The following FAM114A2 variants were observed in gnomAD, a reference collection of about 807,000 sequenced individuals.
FAM114A2 encodes the protein family with sequence similarity 114 member A2, also known as protein FAM114A2.
Under a neutral mutation model 58.4 loss-of-function variants are expected in FAM114A2, and 53 were observed. The ratio of observed to expected loss-of-function variants is 0.91; its 90% CI spans 0.73 to 1.14. The LOEUF is 1.14. FAM114A2 is among the 50% of genes most tolerant of loss of function. The probability of loss-of-function intolerance (pLI) is 0.00; values close to 1 mark genes in which losing one functional copy is unlikely to be tolerated. For synonymous variants in FAM114A2, 228 were observed against 211.4 expected, an observed-to-expected ratio of 1.08 and a Z score of -0.68; for missense variants, 601 against 581.1, an observed-to-expected ratio of 1.03 and a Z score of -0.35.
intron 2 of FAM114A2, 80 bp downstream of exon 2, chr5:154,034,664 T>C (rs1772425097): frequency 2.0e-6 from 2 of 1,018,964 alleles, no homozygotes; most frequent in African/African-American, 1.6e-5. Flanking sequence ...TTGGTATTTA[T>C]GCCAAATTTC....
At chr5:154,031,798 C>A (rs1236898682) in intron 4 of FAM114A2, among the ~76,000 whole-genome samples, 1 of 152,200 alleles carries the variant, frequency 6.6e-6, no homozygotes, top group African/African-American at 2.4e-5. Flanking sequence ...ATAAGACTTT[C>A]TCTTGTAAGA....
chr5:154,037,067 T>C (rs922321869), intron 1 of FAM114A2: 1 of 152,008 alleles, frequency 6.6e-6, no homozygotes, highest in African/African-American at 2.4e-5. Flanking sequence ...GGCATCTGAG[T>C]TGGCAACACC....
At chr5:154,022,578 A>T (rs1166453551) in intron 8 of FAM114A2, among the ~76,000 whole-genome samples, 1 of 152,228 alleles carries the variant, frequency 6.6e-6, no homozygotes, top group Non-Finnish European at 1.5e-5. Context: ...AATCAAAACC[A>T]CAATGAGATA....
chr5:154,002,817 A>G (rs1386612614), intron 10 of FAM114A2, 30 bp downstream of exon 10: 4 of 1,613,214 alleles, frequency 2.5e-6, no homozygotes, highest in Admixed American at 3.3e-5. Flanking sequence ...CTACTAAAAC[A>G]AACAAAAAAG....
intron 2 of FAM114A2, among the ~76,000 whole-genome samples, 177 bp downstream of exon 2, chr5:154,034,567 A>G (rs1291983816): frequency 1.3e-5 from 2 of 152,238 alleles, no homozygotes; most frequent in African/African-American, 2.4e-5. Context: ...ACCACATAGC[A>G]AAAGCAATTA....
At chr5:153,994,996 A>T (rs755943887) in intron 12 of FAM114A2, 24 bp from the exon 13 acceptor site, 1 of 1,544,904 alleles carries the variant, frequency 6.5e-7, no homozygotes, top group South Asian at 1.1e-5. Context: ...TACATTTTTA[A>T]GTGAGCAGAG....
In FAM114A2 at chr5:154,002,199, C is replaced by T. The variant is rs117144658; in HGVS notation, c.1256+52G>A. On this transcript the variant is annotated intron_variant, in intron 11 of 13. Coordinates refer to ENST00000351797, the MANE Select transcript of FAM114A2 (RefSeq NM_018691.4). ...CGTTTATAAAACTTTGGAAACAGGC[C>T]AAGAAAACTCCTGCAATTTGCATCA... 1.1e-4 allele frequency: 172 copies of T among 1,571,756 alleles called. 2 individuals carry two copies. In the East Asian group the frequency reaches 3.8e-3, roughly 35 times the overall value.
intron 5 of FAM114A2, among the ~76,000 whole-genome samples, chr5:154,029,084 T>C (rs1162932557): frequency 6.6e-6 from 1 of 152,234 alleles, no homozygotes; most frequent in Admixed American, 6.5e-5. Flanking sequence ...TTACAAATGT[T>C]TTTAATCATA....
intron 8 of FAM114A2, among the ~76,000 whole-genome samples, chr5:154,024,336 T>G (rs1012851580): frequency 1.6e-4 from 25 of 152,122 alleles, no homozygotes; most frequent in African/African-American, 6.0e-4. Context: ...AACAAAGTGT[T>G]TATTAATTCA....
At chr5:154,014,886 G>A (rs1021995156) in intron 8 of FAM114A2, among the ~76,000 whole-genome samples, 6 of 152,176 alleles carry the variant, frequency 3.9e-5, no homozygotes, top group Non-Finnish European at 7.3e-5. Context: ...TTTCACAGCT[G>A]GGAGGTGGGT....
intron 8 of FAM114A2, among the ~76,000 whole-genome samples, chr5:154,022,734 C>G (rs969350288): frequency 2.6e-5 from 4 of 152,194 alleles, no homozygotes; most frequent in African/African-American, 9.7e-5. Context: ...GTGGTGATTC[C>G]TCAAGGATCT....
At chr5:154,003,084 C>T (rs1382287409) in intron 9 of FAM114A2, 115 bp from the exon 10 acceptor site, 3 of 834,364 alleles carry the variant, frequency 3.6e-6, no homozygotes, top group South Asian at 1.6e-5. Flanking sequence ...CTTACCTGAA[C>T]GTACCATCTA....
intron 12 of FAM114A2, among the ~76,000 whole-genome samples, chr5:153,996,700 G>C (rs933437640): frequency 6.6e-6 from 1 of 152,038 alleles, no homozygotes; most frequent in African/African-American, 2.4e-5. Context: ...CACATTAAAA[G>C]ATGTTCAACA....
At chr5:154,015,405 G>T (rs575329685) in intron 8 of FAM114A2, among the ~76,000 whole-genome samples, 17 of 152,138 alleles carry the variant, frequency 1.1e-4, no homozygotes, top group Middle Eastern at 3.4e-3. Context: ...AAACAGGTGC[G>T]GGTATCCACA....
At chr5:154,027,390 T>C in intron 6 of FAM114A2, 56 bp from the exon 7 acceptor site, 1 of 1,458,602 alleles carries the variant, frequency 6.9e-7, no homozygotes, top group Non-Finnish European at 9.3e-7. Context: ...CAAGGGTGAG[T>C]TCTGAGAATT....
intron 13 of FAM114A2, among the ~76,000 whole-genome samples, chr5:153,994,201 G>T (rs1248586229): frequency 6.6e-6 from 1 of 151,498 alleles, no homozygotes; most frequent in Non-Finnish European, 1.5e-5. Flanking sequence ...AACTAGAGAA[G>T]TAAGAGTTTG....
At position 154,034,248 on chromosome 5, in the gene FAM114A2, C is replaced by A. The variant is rs575172612; in HGVS notation, c.310+30G>T. On this transcript the variant is annotated intron_variant, in intron 3 of 13. Coordinates refer to ENST00000351797, the MANE Select transcript of FAM114A2 (RefSeq NM_018691.4). ...GATCTGTATAAAATAAATACACACACAAAAATAACTAAATGACTGATGATC... is the reference window on the plus strand; with the variant it reads ...GATCTGTATAAAATAAATACACACAAAAAAATAACTAAATGACTGATGATC... 2.2e-5 allele frequency: 29 copies of A among 1,348,432 alleles called. No homozygotes were observed. In the South Asian group the frequency reaches 3.7e-4, roughly 17 times the overall value. 83.5% of individuals were successfully genotyped at this position (1,348,432 alleles called of 1,614,324 possible).
In FAM114A2 at chr5:154,002,183, A is replaced by G. The variant is rs1770018534; in HGVS notation, c.1256+68T>C. On this transcript the variant is annotated intron_variant, in intron 11 of 13. Coordinates refer to ENST00000351797, the MANE Select transcript of FAM114A2 (RefSeq NM_018691.4). ...GGTTTCTTGAGAGAGACGTTTATAA[A>G]ACTTTGGAAACAGGCCAAGAAAACT... The G allele has an allele frequency of 2.7e-6, 4 of 1,473,452 alleles. No homozygotes were observed. The African/African-American group carries it at 5.5e-5, about 20-fold the overall frequency. 91.3% of individuals were successfully genotyped at this position (1,473,452 alleles called of 1,614,324 possible).
intron 8 of FAM114A2, among the ~76,000 whole-genome samples, chr5:154,022,477 A>G (rs1305290126): frequency 6.6e-6 from 1 of 152,232 alleles, no homozygotes; most frequent in East Asian, 1.9e-4. Flanking sequence ...TGGGCAAAGG[A>G]TATCAACAGA....
Sources: allele counts gnomAD v4.1 joint callset (sites outside exome capture counted in the v4.1 genomes callset), GRCh38; gene constraint gnomAD v4.1.1; transcripts MANE v1.5; gene names NCBI Gene and HGNC (gene_info 2026-07-23, HGNC 2026-07-21).